ABCC11: variants seen among roughly 807,000 people sequenced by gnomAD.
The protein encoded by ABCC11 is ATP-binding cassette sub-family C member 11.
Under a neutral mutation model 149.3 loss-of-function variants are expected in ABCC11, and 135 were observed. The observed-to-expected ratio is 0.90, with a 90% CI of 0.79 to 1.04. The LOEUF (loss-of-function observed/expected upper bound fraction) is 1.04, where lower values mean the gene tolerates loss of function less well. ABCC11 is among the 50% of genes least tolerant of loss of function. The pLI is 0.00. For missense variants in ABCC11, 1,680 were observed against 1,722.1 expected, an observed-to-expected ratio of 0.98 and a Z score of 0.43; for synonymous variants, 665 against 671.4, an observed-to-expected ratio of 0.99 and a Z score of 0.15.
chr16:48,182,324 A>T (rs1257580087), intron 23 of ABCC11, among the ~76,000 whole-genome samples: 1 of 152,166 alleles, frequency 6.6e-6, no homozygotes, highest in Non-Finnish European at 1.5e-5. Context: ...ATGGACATTC[A>T]GAGAGCTATG....
At chr16:48,208,295 T>G in intron 12 of ABCC11, 130 bp downstream of exon 12, 2 of 969,438 alleles carry the variant, frequency 2.1e-6, no homozygotes, top group Non-Finnish European at 3.1e-6. Flanking sequence ...CCATTTTTGA[T>G]TTATAAAAAT....
chr16:48,184,236 T>C (rs1257059596), intron 23 of ABCC11, among the ~76,000 whole-genome samples: 1 of 152,198 alleles, frequency 6.6e-6, no homozygotes, highest in East Asian at 1.9e-4. Flanking sequence ...TACCTTTGAA[T>C]ACAGACTTCC....
chr16:48,192,530 A>G lies in ABCC11; in HGVS notation c.2696T>C (p.Leu899Pro). The G allele has an allele frequency of 6.2e-7, 1 of 1,614,166 alleles. No homozygotes were observed. ...CACCCAGGCCCATACCTTGTTGAAG[A>G]GCTTGTTGTGCAGGGCCGTGGATGC... ...RKASTALHNKLFNKVFRCPMS... is the reference protein window; with the variant it reads ...RKASTALHNKPFNKVFRCPMS... The change falls in exon 20 of 30, where the codon CTC becomes CCC. Residue 899 changes from leucine (L) to proline (P), a missense_variant. By Grantham distance (98) the Leu-to-Pro change is moderately conservative. Coordinates refer to ENST00000356608, the MANE Select transcript of ABCC11 (RefSeq NM_001370497.1).
At chr16:48,242,940 T>C (rs1596876930) in intron 1 of ABCC11, among the ~76,000 whole-genome samples, 1 of 151,974 alleles carries the variant, frequency 6.6e-6, no homozygotes, top group Non-Finnish European at 1.5e-5. Flanking sequence ...TTAGGAGATA[T>C]ACCTAATGTA....
chr16:48,244,600 A>T (rs528663722), intron 1 of ABCC11: 1 of 1,483,046 alleles, frequency 6.7e-7, no homozygotes, highest in African/African-American at 1.5e-5. Context: ...AGCGACGCGC[A>T]GGACCTGCCG....
chr16:48,230,699 C>A, intron 2 of ABCC11, 126 bp from the exon 3 acceptor site: 1 of 1,132,694 alleles, frequency 8.8e-7, no homozygotes, highest in South Asian at 1.9e-5. Context: ...GAAAGGCTTC[C>A]ATACCGAGAA....
At chr16:48,170,006 C>A (rs1369741430) in intron 28 of ABCC11, 99 bp downstream of exon 28, 14 of 814,034 alleles carry the variant, frequency 1.7e-5, no homozygotes, top group South Asian at 4.8e-5. Context: ...CCACAGAGCC[C>A]AGTGTCCCAC....
At chr16:48,217,967 G>A (rs73542903) in intron 6 of ABCC11, among the ~76,000 whole-genome samples, 21,751 of 152,088 alleles carry the variant, frequency 0.14, 2,054 homozygotes, top group African/African-American at 0.27. Context: ...GCCAAATGCT[G>A]GAAACATCTT....
At chr16:48,205,150 A>T (rs1047266434) in intron 13 of ABCC11, among the ~76,000 whole-genome samples, 1 of 152,208 alleles carries the variant, frequency 6.6e-6, no homozygotes. Flanking sequence ...AAGTTTCTGA[A>T]AGCAACTGGG....
intron 26 of ABCC11, among the ~76,000 whole-genome samples, chr16:48,171,408 C>G (rs955921176): frequency 2.0e-5 from 3 of 152,200 alleles, no homozygotes; most frequent in African/African-American, 7.2e-5. Flanking sequence ...ACATGGAGCC[C>G]CCCAGGGCCC....
At chr16:48,205,833 C>A (rs1489271791) in intron 12 of ABCC11, among the ~76,000 whole-genome samples, 2 of 140,124 alleles carry the variant, frequency 1.4e-5, no homozygotes, top group Non-Finnish European at 3.1e-5. Flanking sequence ...TTTTTTGAGA[C>A]GGAGTCTCGC....
At chr16:48,180,629 C>A (rs573760943) in intron 23 of ABCC11, among the ~76,000 whole-genome samples, 5 of 152,170 alleles carry the variant, frequency 3.3e-5, no homozygotes, top group Admixed American at 3.3e-4. Flanking sequence ...CCTCCCAATG[C>A]TCGAATGTAA....
chr16:48,167,156 T>G lies in ABCC11; in HGVS notation c.*118A>C. ...TCCCCACCCCCCCTACATTTACCCCTGCTTCCAGGAGAAGTTCTCATCTCC... is the reference window on the plus strand; with the variant it reads ...TCCCCACCCCCCCTACATTTACCCCGGCTTCCAGGAGAAGTTCTCATCTCC... On this transcript the variant is annotated 3_prime_UTR_variant, in exon 30 of 30. Transcript: ENST00000356608. 7.9e-6 allele frequency: 3 copies of G among 378,270 alleles called. No homozygotes were observed. The highest frequency in any genetic ancestry group is 5.3e-6 in the Non-Finnish European group (1 of 189,504). The allele number at this position is 378,270 out of a possible 1,614,324, so 23.4% of individuals were successfully genotyped here. A position where few individuals can be genotyped will look rare whatever the true frequency, so the allele number is the denominator to read the frequency against.
intron 4 of ABCC11, among the ~76,000 whole-genome samples, chr16:48,225,199 C>T (rs1031596725): frequency 2.0e-4 from 31 of 151,942 alleles, no homozygotes; most frequent in Admixed American, 1.8e-3. Flanking sequence ...GGCGACAGAG[C>T]GATACTCTGT....
intron 11 of ABCC11, among the ~76,000 whole-genome samples, chr16:48,209,020 A>G (rs998089498): frequency 1.3e-5 from 2 of 152,234 alleles, no homozygotes; most frequent in East Asian, 1.9e-4. Flanking sequence ...GAGAGACTAC[A>G]TAAATAAATA....
intron 1 of ABCC11, among the ~76,000 whole-genome samples, chr16:48,238,927 C>T (rs1408440363): frequency 9.6e-6 from 1 of 104,114 alleles, no homozygotes; most frequent in Non-Finnish European, 1.8e-5. Context: ...ACAGAGGAGA[C>T]TCTGTCTAAA....
chr16:48,168,897 G>C (rs917230948), intron 28 of ABCC11, among the ~76,000 whole-genome samples: 1 of 152,150 alleles, frequency 6.6e-6, no homozygotes, highest in Admixed American at 6.5e-5. Context: ...TCAGGTGGTG[G>C]GGGGCAAGGA....
chr16:48,199,672 A>AT lies in ABCC11; in HGVS notation c.2082+603dup, dbSNP rs71134549. ...TTTTCTTTTCTTTTCTTTTTTATTG[A>AT]TTTTTTTTTTTTTTTTTTTTTTTTT... On this transcript the variant is annotated intron_variant, in intron 15 of 29. Transcript: ENST00000356608. Among the ~76,000 whole-genome samples, 221 of 58,226 alleles carry AT rather than the reference A, an allele frequency of 3.8e-3. 5 individuals are homozygous for AT. The highest frequency in any genetic ancestry group is 4.7e-3 in the Non-Finnish European group (152 of 32,142). The allele number at this position is 58,226 out of a possible 152,430, so 38.2% of individuals were successfully genotyped here.
At chr16:48,201,474 C>CT (rs560323114) in intron 14 of ABCC11, among the ~76,000 whole-genome samples, 14,770 of 123,488 alleles carry the variant, frequency 0.12, 1,084 homozygotes, top group African/African-American at 0.17. Context: ...TTTTCTTTTT[C>CT]TTTTTTTTTT....
Sources: gnomAD v4.1 joint callset for allele counts (sites outside exome capture counted in the v4.1 genomes callset) on GRCh38, gnomAD v4.1.1 for gene constraint, MANE v1.5 for transcripts, NCBI Gene and HGNC (gene_info 2026-07-23, HGNC 2026-07-21) for gene names.